The following MAPKAP1 variants were observed in gnomAD, a reference collection of about 807,000 sequenced individuals.
MAPKAP1 encodes target of rapamycin complex 2 subunit MAPKAP1.
Under a neutral mutation model 65.7 loss-of-function variants are expected in MAPKAP1, and 20 were observed. The observed-to-expected ratio is 0.30, with a 90% confidence interval of 0.21 to 0.44. The LOEUF (loss-of-function observed/expected upper bound fraction) is 0.44. Among genes scored for constraint, MAPKAP1 ranks in the 20% least tolerant of loss-of-function variants. The pLI is 1.00. For synonymous variants in MAPKAP1, 222 were observed against 244.3 expected (o/e 0.91, Z 0.85); for missense variants, 423 against 648.0 (o/e 0.65, Z 3.77).
chr9:125,499,253 CAT>C (rs1026093073), intron 8 of MAPKAP1, among the ~76,000 whole-genome samples: 1 of 152,164 alleles, frequency 6.6e-6, no homozygotes, highest in Non-Finnish European at 1.5e-5. Flanking sequence ...TCTAATCAAA[CAT>C]AGTAACAGAA....
intron 5 of MAPKAP1, among the ~76,000 whole-genome samples, chr9:125,584,344 A>G (rs1160263686): frequency 1.3e-5 from 2 of 152,218 alleles, no homozygotes; most frequent in African/African-American, 4.8e-5. Context: ...TACTAAATTT[A>G]CCTAAAGAAA....
intron 7 of MAPKAP1, among the ~76,000 whole-genome samples, chr9:125,524,137 A>G (rs767721690): frequency 5.9e-5 from 9 of 152,258 alleles, no homozygotes; most frequent in Non-Finnish European, 8.8e-5. Context: ...ATACACTCCC[A>G]GCACTTTAAT....
At chr9:125,528,050 A>G (rs1035761041) in intron 7 of MAPKAP1, among the ~76,000 whole-genome samples, 2 of 152,202 alleles carry the variant, frequency 1.3e-5, no homozygotes, top group African/African-American at 4.8e-5. Flanking sequence ...CAAATGTGCT[A>G]ACCACCAACC....
chr9:125,621,851 C>A (rs898549202), intron 4 of MAPKAP1, among the ~76,000 whole-genome samples: 4 of 152,022 alleles, frequency 2.6e-5, no homozygotes, highest in African/African-American at 9.7e-5. Context: ...AGAAGTGCAA[C>A]CATTGTTTAT....
intron 11 of MAPKAP1, among the ~76,000 whole-genome samples, chr9:125,440,088 G>C (rs916489125): frequency 1.3e-5 from 2 of 152,210 alleles, no homozygotes; most frequent in African/African-American, 4.8e-5. Context: ...GAGGTGGTGG[G>C]AGCCAGGGAG....
rs1399342805 is a variant in MAPKAP1 at position 125,447,384 on chromosome 9, T to C, written c.1346-2786A>G. The C allele has an allele frequency of 1.8e-5, 8 of 456,524 alleles. No individual in the cohort carries two copies. Among genetic ancestry groups the C allele is most frequent in the South Asian group, 1.2e-4 (8 of 64,570 alleles). The allele number at this position is 456,524 out of a possible 1,614,324, so 28.3% of individuals were successfully genotyped here. On this transcript the variant is annotated intron_variant, in intron 10 of 11. Transcript: ENST00000265960. The surrounding 1 kb of genome is among the most constrained non-coding windows in gnomAD (Gnocchi z 4.5). ...TCTGTGGAGCACTTGTGTTTGGACT[T>C]GAACAATGACACAGCTGCAAAGTTA...
chr9:125,594,395 G>C (rs1322998356), intron 4 of MAPKAP1, among the ~76,000 whole-genome samples: 1 of 152,216 alleles, frequency 6.6e-6, no homozygotes, highest in Non-Finnish European at 1.5e-5. Context: ...CTCGGGGTCA[G>C]CTAGGCCCAG....
intron 5 of MAPKAP1, among the ~76,000 whole-genome samples, chr9:125,580,718 C>T (rs1169504918): frequency 6.6e-6 from 1 of 151,776 alleles, no homozygotes; most frequent in Non-Finnish European, 1.5e-5. Context: ...ACTCACTTTT[C>T]ACCAGTTTTT....
chr9:125,648,366 C>A (rs893011806), intron 4 of MAPKAP1, among the ~76,000 whole-genome samples: 2 of 152,160 alleles, frequency 1.3e-5, no homozygotes, highest in African/African-American at 4.8e-5. Flanking sequence ...CCCATCTGTA[C>A]CCCCCTACAT....
intron 7 of MAPKAP1, among the ~76,000 whole-genome samples, chr9:125,517,460 G>C (rs992989141): frequency 2.0e-5 from 3 of 152,100 alleles, no homozygotes; most frequent in Non-Finnish European, 4.4e-5. Context: ...CTGAAAGTGT[G>C]ATTTCTTTAG....
At chr9:125,481,701 C>T (rs901254191) in intron 9 of MAPKAP1, among the ~76,000 whole-genome samples, 5 of 151,972 alleles carry the variant, frequency 3.3e-5, no homozygotes, top group Non-Finnish European at 5.9e-5. Context: ...GGATTACAGA[C>T]GTGAGCCATG....
intron 1 of MAPKAP1, among the ~76,000 whole-genome samples, chr9:125,680,418 T>C (rs1367614648): frequency 6.6e-6 from 1 of 152,210 alleles, no homozygotes; most frequent in Non-Finnish European, 1.5e-5. Context: ...AACACTTTAT[T>C]GCTTTTAAAT....
At position 125,564,259 on chromosome 9, in the gene MAPKAP1, A is replaced by G. The variant is rs539021965; in HGVS notation, c.672-4450T>C. On this transcript the variant is annotated intron_variant, in intron 5 of 11. Transcript: ENST00000265960. Reference sequence around the variant, plus strand: ...GCATCTCACTTTTTATGGAGAAAAAACAGAAATGATGATACTATGTAAAAA... The same window carrying G: ...GCATCTCACTTTTTATGGAGAAAAAGCAGAAATGATGATACTATGTAAAAA... 1.1e-3 allele frequency among the ~76,000 whole-genome samples: 160 copies of G among 152,314 alleles called. 1 individual carries two copies. The highest frequency in any genetic ancestry group is 3.6e-3 in the African/African-American group (148 of 41,566).
At chr9:125,502,424 T>A (rs1829011669) in intron 8 of MAPKAP1, among the ~76,000 whole-genome samples, 1 of 152,220 alleles carries the variant, frequency 6.6e-6, no homozygotes, top group Non-Finnish European at 1.5e-5. Flanking sequence ...TTTGTGATAT[T>A]TGAATTAGAG....
rs1263977651 is a variant in MAPKAP1, at chr9:125,439,122, C to A, written c.1444-110G>T. 1.5e-6 allele frequency: 2 copies of A among 1,296,550 alleles called. No individual in the cohort carries two copies. Among genetic ancestry groups the A allele is most frequent in the Non-Finnish European group, 2.1e-6 (2 of 940,524 alleles). The allele number at this position is 1,296,550 out of a possible 1,614,324, so 80.3% of individuals were successfully genotyped here. Reference sequence around the variant, plus strand: ...CTGACCTGGGCCGGGTGCCTCAGGGCCAGGTGCTGTCGTGTGGAAGGAGTC... The same window carrying A: ...CTGACCTGGGCCGGGTGCCTCAGGGACAGGTGCTGTCGTGTGGAAGGAGTC... On this transcript the variant is annotated intron_variant, in intron 11 of 11. Coordinates refer to ENST00000265960, the MANE Select transcript of MAPKAP1 (RefSeq NM_001006617.3). This position sits in a 1 kb window ranked among gnomAD's most constrained non-coding sequence, Gnocchi z 4.0.
intron 5 of MAPKAP1, among the ~76,000 whole-genome samples, chr9:125,578,279 G>A (rs1014547648): frequency 6.6e-6 from 1 of 151,912 alleles, no homozygotes; most frequent in Non-Finnish European, 1.5e-5. Context: ...AAGTACCCAG[G>A]GACACAAACA....
chr9:125,702,582 T>C (rs943203240), intron 1 of MAPKAP1, among the ~76,000 whole-genome samples: 4 of 151,368 alleles, frequency 2.6e-5, no homozygotes, highest in Non-Finnish European at 4.4e-5. Flanking sequence ...CCGGATGCAA[T>C]GGCTCACCCC....
intron 7 of MAPKAP1, among the ~76,000 whole-genome samples, chr9:125,539,484 A>G (rs1830176846): frequency 6.6e-6 from 1 of 152,208 alleles, no homozygotes; most frequent in Non-Finnish European, 1.5e-5. Context: ...TAAACATTGA[A>G]ATTGATCTAT....
intron 10 of MAPKAP1, among the ~76,000 whole-genome samples, chr9:125,455,185 C>T (rs1853119059): frequency 1.3e-5 from 2 of 152,074 alleles, no homozygotes; most frequent in South Asian, 2.1e-4. Context: ...TTCTCTGAGC[C>T]CCAGTTAACT....
Sources: gnomAD v4.1 joint callset for allele counts (sites outside exome capture counted in the v4.1 genomes callset) on GRCh38, gnomAD v4.1.1 for gene constraint, Gnocchi (gnomAD v3.1) non-coding constraint, MANE v1.5 for transcripts, NCBI Gene and HGNC (gene_info 2026-07-23, HGNC 2026-07-21) for gene names.